The following WDR27 variants were observed in gnomAD, a reference collection of about 807,000 sequenced individuals.
The protein encoded by WDR27 is WD repeat domain 27.
Under a neutral mutation model 114.4 loss-of-function variants are expected in WDR27, and 100 were observed. That is an observed-to-expected ratio of 0.87 (90% CI 0.74 to 1.03). The LOEUF is 1.03. Among genes scored for constraint, WDR27 ranks in the 50% least tolerant of loss-of-function variants. The pLI is 0.00. For synonymous variants in WDR27, 449 were observed against 423.1 expected (o/e 1.06, Z -0.75); for missense variants, 1,129 against 1,092.9 (o/e 1.03, Z -0.47).
intron 12 of WDR27, among the ~76,000 whole-genome samples, chr6:169,658,812 T>C (rs1007445823): frequency 1.3e-5 from 2 of 151,800 alleles, no homozygotes; most frequent in African/African-American, 4.8e-5. Context: ...GCCTCCCGAC[T>C]AGCTGGGACT....
chr6:169,476,070 G>GGGA (rs1248045115), intron 25 of WDR27, among the ~76,000 whole-genome samples: 2 of 152,162 alleles, frequency 1.3e-5, no homozygotes, highest in African/African-American at 4.8e-5. Context: ...GCTGAGTGTT[G>GGGA]GGAGAGAAGC....
chr6:169,636,045 CA>C (rs1219378432), intron 19 of WDR27, among the ~76,000 whole-genome samples: 1 of 152,134 alleles, frequency 6.6e-6, no homozygotes, highest in East Asian at 1.9e-4. Context: ...ATATTTGAAA[CA>C]GTTCATAATT....
intron 21 of WDR27, among the ~76,000 whole-genome samples, chr6:169,625,697 TG>T (rs531249430): frequency 2.7e-4 from 41 of 152,184 alleles, no homozygotes; most frequent in African/African-American, 8.2e-4. Context: ...AGCTGCTCCA[TG>T]GGGTCAGAGC....
chr6:169,522,680 C>T (rs771960617), intron 25 of WDR27, among the ~76,000 whole-genome samples: 3 of 151,822 alleles, frequency 2.0e-5, no homozygotes, highest in Non-Finnish European at 4.4e-5. Flanking sequence ...GGAAAATACA[C>T]AAACACATGA....
At chr6:169,681,894 AG>A (rs1234697747) in intron 2 of WDR27, among the ~76,000 whole-genome samples, 3 of 152,016 alleles carry the variant, frequency 2.0e-5, no homozygotes, top group Admixed American at 2.0e-4. Flanking sequence ...GAGACCTGCT[AG>A]GAGATGCATG....
intron 13 of WDR27, among the ~76,000 whole-genome samples, chr6:169,653,301 T>C (rs989070894): frequency 6.6e-6 from 1 of 152,244 alleles, no homozygotes; most frequent in African/African-American, 2.4e-5. Flanking sequence ...TACATATAAA[T>C]TCCTTTGTTA....
At chr6:169,691,987 T>C (rs548542565) in intron 1 of WDR27, among the ~76,000 whole-genome samples, 1 of 152,294 alleles carries the variant, frequency 6.6e-6, no homozygotes, top group South Asian at 2.1e-4. Context: ...CAGATCCTTT[T>C]AAAGAAGCAG....
chr6:169,698,934 T>C (rs1787034040), intron 1 of WDR27, among the ~76,000 whole-genome samples: 1 of 152,212 alleles, frequency 6.6e-6, no homozygotes, highest in Admixed American at 6.5e-5. Context: ...CTGATGTGGG[T>C]ACCTTGAAGC....
intron 2 of WDR27, among the ~76,000 whole-genome samples, chr6:169,681,996 C>T (rs903462437): frequency 5.3e-5 from 8 of 152,082 alleles, no homozygotes; most frequent in Non-Finnish European, 8.8e-5. Flanking sequence ...CTGTTGAAAT[C>T]GGGGAACTAT....
rs939379850 is a variant in WDR27, at chr6:169,494,594, G to A, written c.2646-36960C>T. The stretch of plus-strand genomic sequence containing the variant: ...ACCATTGTATATCCAGTCCATCATT[G>A]ACTGAAATGTTGTTATGGGGTGCAA... On this transcript the variant is annotated intron_variant, in intron 25 of 25. Transcript: ENST00000448612. Among the ~76,000 whole-genome samples the A allele has an allele frequency of 2.6e-5, 4 of 152,118 alleles. 1 individual carries two copies. The Middle Eastern group carries it at 0.014, about 517-fold the overall frequency.
chr6:169,658,073 C>T, intron 13 of WDR27: 1 of 497,262 alleles, frequency 2.0e-6, no homozygotes, highest in Non-Finnish European at 3.8e-6. Context: ...ATGGCCAATT[C>T]AGGAGGCGAA....
At chr6:169,570,378 C>T (rs1283230546) in intron 25 of WDR27, among the ~76,000 whole-genome samples, 1 of 152,218 alleles carries the variant, frequency 6.6e-6, no homozygotes, top group East Asian at 1.9e-4. Context: ...AGAACCTTCT[C>T]CAACCACTGT....
intron 25 of WDR27, among the ~76,000 whole-genome samples, chr6:169,552,650 A>G (rs918125877): frequency 2.0e-5 from 3 of 152,228 alleles, no homozygotes; most frequent in Admixed American, 2.0e-4. Flanking sequence ...CTTGCTCTAA[A>G]TTGATCAACT....
At chr6:169,670,889 C>T (rs966785047) in intron 3 of WDR27, 196 bp from the exon 4 acceptor site, 1 of 644,746 alleles carries the variant, frequency 1.6e-6, no homozygotes, top group Non-Finnish European at 2.5e-6. Context: ...CTGGGGAATG[C>T]AGCACTTCCC....
At chr6:169,426,660 C>G in the WDR27 span, 29 of 152,356 alleles carry the variant, frequency 1.9e-4, 1 homozygote, top group Admixed American at 1.9e-3. Context: ...GCAGGCCATG[C>G]TCTGCTCCAG....
intron 25 of WDR27, among the ~76,000 whole-genome samples, chr6:169,461,415 T>C (rs1784888859): frequency 6.6e-6 from 1 of 152,158 alleles, no homozygotes; most frequent in Non-Finnish European, 1.5e-5. Flanking sequence ...ATACACAGTA[T>C]CTTCTCTGAC....
At chr6:169,643,465 C>T (rs1046789281) in intron 17 of WDR27, among the ~76,000 whole-genome samples, 6 of 152,220 alleles carry the variant, frequency 3.9e-5, no homozygotes, top group African/African-American at 1.4e-4. Context: ...ATGAATGGCT[C>T]TTGGCCTCCA....
intron 18 of WDR27, among the ~76,000 whole-genome samples, chr6:169,637,461 C>T (rs137859369): frequency 2.4e-4 from 36 of 151,874 alleles, no homozygotes; most frequent in African/African-American, 8.4e-4. Flanking sequence ...ATGCATCTAT[C>T]TGCGTGTGTG....
chr6:169,542,757 C>A (rs1338384076), intron 25 of WDR27, among the ~76,000 whole-genome samples: 1 of 149,782 alleles, frequency 6.7e-6, no homozygotes, highest in Non-Finnish European at 1.5e-5. Flanking sequence ...AACTAACTCT[C>A]AAGCAGTTTG....
Sources: allele counts gnomAD v4.1 joint callset (sites outside exome capture counted in the v4.1 genomes callset), GRCh38; gene constraint gnomAD v4.1.1; transcripts MANE v1.5; gene names NCBI Gene and HGNC (gene_info 2026-07-23, HGNC 2026-07-21).